Variants in ANKS1B observed in about 807,000 individuals in gnomAD.
ANKS1B encodes the protein ankyrin repeat and sterile alpha motif domain-containing protein 1B.
A neutral mutation model predicts 148.3 loss-of-function variants in ANKS1B; 36 were observed. The ratio of observed to expected loss-of-function variants is 0.24; its 90% CI spans 0.19 to 0.32. The LOEUF (loss-of-function observed/expected upper bound fraction) is 0.32, where lower values mean the gene tolerates loss of function less well. ANKS1B is among the 10% of genes least tolerant of loss of function. The pLI, the probability that ANKS1B is intolerant of heterozygous loss-of-function variation, is 1.00. For synonymous variants in ANKS1B, 542 were observed against 560.8 expected (o/e 0.97, Z 0.47); for missense variants, 1,157 against 1,542.6 (o/e 0.75, Z 4.19).
intron 12 of ANKS1B, among the ~76,000 whole-genome samples, chr12:99,292,364 A>T (rs2080132188): frequency 6.6e-6 from 1 of 150,948 alleles, no homozygotes; most frequent in Non-Finnish European, 1.5e-5. Context: ...AAATAAAAAT[A>T]AAAATAAATT....
At chr12:99,582,594 T>C (rs1269258075) in intron 9 of ANKS1B, among the ~76,000 whole-genome samples, 1 of 152,162 alleles carries the variant, frequency 6.6e-6, no homozygotes, top group African/African-American at 2.4e-5. Flanking sequence ...AAAGAATGCA[T>C]AGTATCTGGT....
chr12:98,852,034 A>G (rs1301556162), intron 17 of ANKS1B, among the ~76,000 whole-genome samples: 3 of 150,830 alleles, frequency 2.0e-5, no homozygotes, highest in East Asian at 3.9e-4. Context: ...AAAAAAAAAA[A>G]AAAAAAAAAA....
intron 9 of ANKS1B, among the ~76,000 whole-genome samples, chr12:99,563,373 C>T (rs1471456833): frequency 6.6e-6 from 1 of 152,174 alleles, no homozygotes; most frequent in Non-Finnish European, 1.5e-5. Flanking sequence ...AACTCTTCCT[C>T]TCACTTGAAC....
intron 14 of ANKS1B, among the ~76,000 whole-genome samples, chr12:99,218,446 G>A (rs2084586069): frequency 6.6e-6 from 1 of 152,166 alleles, no homozygotes; most frequent in Non-Finnish European, 1.5e-5. Context: ...TGAAGCCTCT[G>A]CAATCTCTGT....
chr12:99,577,021 A>C (rs1215011238), intron 9 of ANKS1B, among the ~76,000 whole-genome samples: 1 of 152,042 alleles, frequency 6.6e-6, no homozygotes, highest in Non-Finnish European at 1.5e-5. Context: ...ATTAACAACC[A>C]AACATTGCAC....
intron 10 of ANKS1B, among the ~76,000 whole-genome samples, chr12:99,451,802 T>C (rs1293087644): frequency 6.6e-6 from 1 of 151,802 alleles, no homozygotes; most frequent in Non-Finnish European, 1.5e-5. Context: ...TGTGTGTGTG[T>C]ATGTGTATGT....
chr12:99,249,313 C>T (rs115853379), intron 12 of ANKS1B, among the ~76,000 whole-genome samples: 14 of 152,078 alleles, frequency 9.2e-5, no homozygotes, highest in African/African-American at 2.9e-4. Context: ...ATTTTAGGGG[C>T]GTAATATTAT....
intron 19 of ANKS1B, among the ~76,000 whole-genome samples, chr12:98,816,776 A>G (rs1347437921): frequency 6.6e-6 from 1 of 152,146 alleles, no homozygotes; most frequent in Non-Finnish European, 1.5e-5. Flanking sequence ...TTCTCCGTGG[A>G]CAGAACCAGT....
At chr12:99,243,531 A>T (rs1261841808) in intron 14 of ANKS1B, among the ~76,000 whole-genome samples, 1 of 152,244 alleles carries the variant, frequency 6.6e-6, no homozygotes, top group Non-Finnish European at 1.5e-5. Context: ...TACTGGGTAT[A>T]TACCTAAAGG....
At chr12:98,938,738 G>C (rs553069716) in intron 17 of ANKS1B, among the ~76,000 whole-genome samples, 1 of 152,334 alleles carries the variant, frequency 6.6e-6, no homozygotes, top group Non-Finnish European at 1.5e-5. Context: ...CATGGGCTAA[G>C]AATAGATCAC....
At chr12:98,917,537 A>G (rs997380907) in intron 17 of ANKS1B, among the ~76,000 whole-genome samples, 14 of 152,236 alleles carry the variant, frequency 9.2e-5, no homozygotes, top group Non-Finnish European at 1.9e-4. Flanking sequence ...AAGACAGACA[A>G]GAAAAACAGT....
At chr12:99,674,701 A>T (rs2153473941) in intron 8 of ANKS1B, among the ~76,000 whole-genome samples, 1 of 151,980 alleles carries the variant, frequency 6.6e-6, no homozygotes, top group South Asian at 2.1e-4. Context: ...TGTGGGAAAA[A>T]ATAGGCATTT....
chr12:98,993,723 C>A (rs1408230262), intron 17 of ANKS1B, among the ~76,000 whole-genome samples: 2 of 152,168 alleles, frequency 1.3e-5, no homozygotes, highest in Non-Finnish European at 2.9e-5. Context: ...GGAGTCAATT[C>A]TTTGGCTAAA....
chr12:99,063,530 C>T (rs930354356), intron 16 of ANKS1B, among the ~76,000 whole-genome samples: 5 of 152,194 alleles, frequency 3.3e-5, no homozygotes, highest in African/African-American at 1.2e-4. Context: ...CTTCTGACCA[C>T]GAGGCCCCAG....
At chr12:99,256,741 T>C (rs1016917597) in intron 12 of ANKS1B, among the ~76,000 whole-genome samples, 2 of 152,194 alleles carry the variant, frequency 1.3e-5, no homozygotes, top group African/African-American at 4.8e-5. Context: ...CTGTCTTTCT[T>C]GTGGGTGATC....
intron 22 of ANKS1B, among the ~76,000 whole-genome samples, chr12:98,788,413 G>T (rs1007069312): frequency 2.0e-5 from 3 of 152,182 alleles, no homozygotes; most frequent in African/African-American, 7.2e-5. Context: ...CAGCTGGGAA[G>T]TTTCCCCCTC....
At chr12:99,594,350 C>A (rs919062809) in intron 9 of ANKS1B, among the ~76,000 whole-genome samples, 2 of 152,186 alleles carry the variant, frequency 1.3e-5, no homozygotes, top group Admixed American at 1.3e-4. Context: ...AGCAATCCCA[C>A]TTTTGAGTAT....
intron 9 of ANKS1B, among the ~76,000 whole-genome samples, chr12:99,639,360 C>A (rs1459898352): frequency 6.6e-6 from 1 of 152,182 alleles, no homozygotes; most frequent in Non-Finnish European, 1.5e-5. Context: ...AGAAACTTGC[C>A]TTGTCTCAGG....
At chr12:99,112,688 A>G (rs1438121639) in intron 15 of ANKS1B, among the ~76,000 whole-genome samples, 2 of 152,036 alleles carry the variant, frequency 1.3e-5, no homozygotes, top group African/African-American at 2.4e-5. Flanking sequence ...CTCATCTGAC[A>G]CCCACAAACC....
Sources: allele counts gnomAD v4.1 joint callset (sites outside exome capture counted in the v4.1 genomes callset), GRCh38; gene constraint gnomAD v4.1.1; transcripts MANE v1.5; gene names NCBI Gene and HGNC (gene_info 2026-07-23, HGNC 2026-07-21).